Variants in THAP9 observed in about 807,000 individuals in gnomAD.
THAP9 encodes THAP domain containing 9.
Under a neutral mutation model 35.7 loss-of-function variants are expected in THAP9, and 20 were observed. That is an observed-to-expected ratio of 0.56 (90% CI 0.39 to 0.81). The LOEUF (loss-of-function observed/expected upper bound fraction) is 0.81. Among genes scored for constraint, THAP9 ranks in the 40% least tolerant of loss-of-function variants. The pLI is 0.00. For synonymous variants in THAP9, 335 were observed against 373.7 expected (o/e 0.90, Z 1.19); for missense variants, 870 against 1,047.4 (o/e 0.83, Z 2.34).
Position 82,900,851 on chromosome 4 carries a change from C to G in THAP9, c.49C>G (p.Leu17Val), listed in dbSNP as rs142923242. The G allele has an allele frequency of 6.2e-7, 1 of 1,613,428 alleles. No individual in the cohort carries two copies. Among genetic ancestry groups the G allele is most frequent in the South Asian group, 1.1e-5 (1 of 91,088 alleles). ...GGGCTGCAGCACCCGTGACACCGTG[C>G]TCAGCCGGGAGCGCGGCCTCTCCTT... ...AVGCSTRDTV[L>V]SRERGLSFHQ... Residue 17 changes from leucine (L) to valine (V), a missense_variant, in exon 1 of 5, where the codon CTC becomes GTC. Around this residue, in one of 3 missense-constraint regions of THAP9, gnomAD observed 440 missense variants for 501.2 expected, o/e 0.88. Transcript: ENST00000302236.
At chr4:82,909,638 A>G (rs975621973) in intron 4 of THAP9, among the ~76,000 whole-genome samples, 4 of 152,070 alleles carry the variant, frequency 2.6e-5, no homozygotes, top group African/African-American at 7.2e-5. Context: ...GGACATTTCT[A>G]TTGTTTACAT....
rs761396925 is a variant in THAP9, at chr4:82,918,212, A to G, written c.2000A>G (p.Lys667Arg). 1.2e-5 allele frequency: 19 copies of G among 1,614,080 alleles called. No homozygotes were observed. In the South Asian group the frequency reaches 2.1e-4, roughly 18 times the overall value. Residue 667 changes from lysine (K) to arginine (R), a missense_variant, in exon 5 of 5, where the codon AAA (lysine) becomes AGA (arginine). Lys to Arg is a conservative substitution (Grantham distance 26). This residue lies in a region of THAP9 where 414 missense variants were observed against 500.8 expected (regional missense o/e 0.83). Coordinates refer to ENST00000302236, the MANE Select transcript of THAP9 (RefSeq NM_024672.6). ...SIFDISIARR[K>R]DLALWTVQRQ... ...TTTGACATTTCAATTGCTCGAAGGA[A>G]AGACTTGGCGCTTTGGACAGTTCAA...
chr4:82,904,383 A>G (rs774983430), intron 1 of THAP9, among the ~76,000 whole-genome samples: 4 of 152,198 alleles, frequency 2.6e-5, no homozygotes, highest in Non-Finnish European at 5.9e-5. Flanking sequence ...CTTAAAAGGA[A>G]GAGTACCAAA....
At chr4:82,902,470 A>G (rs1435624878) in intron 1 of THAP9, among the ~76,000 whole-genome samples, 1 of 152,166 alleles carries the variant, frequency 6.6e-6, no homozygotes, top group African/African-American at 2.4e-5. Context: ...CAGGTGTCCC[A>G]GCCCACCCCA....
intron 4 of THAP9, among the ~76,000 whole-genome samples, chr4:82,913,668 A>G (rs1191094792): frequency 2.0e-5 from 3 of 151,072 alleles, no homozygotes; most frequent in Admixed American, 6.6e-5. Flanking sequence ...TTTCATCCCA[A>G]CCTCCACCCT....
intron 4 of THAP9, among the ~76,000 whole-genome samples, chr4:82,916,657 G>C (rs942389182): frequency 6.6e-6 from 1 of 152,180 alleles, no homozygotes; most frequent in African/African-American, 2.4e-5. Context: ...AATATAAAAA[G>C]ATCAGTTAGA....
rs1175791620 is a variant in THAP9, at chr4:82,904,934, A to T, written c.276+3A>T. 1 of 1,612,310 alleles carries T rather than the reference A, an allele frequency of 6.2e-7. No individual in the cohort carries two copies. The highest frequency in any genetic ancestry group is 1.1e-5 in the South Asian group (1 of 90,798). ...TGCCTTCTGTTTCTCTATACAAGGT[A>T]TTTAAATGTAGGTGTAAGTCAACAA... is the stretch of plus-strand genomic sequence containing the variant. On this transcript the variant is annotated splice_donor_region_variant and intron_variant, in intron 2 of 4. Coordinates refer to ENST00000302236, the MANE Select transcript of THAP9 (RefSeq NM_024672.6).
At chr4:82,901,242 A>G in intron 1 of THAP9, 2 of 506,440 alleles carry the variant, frequency 3.9e-6, no homozygotes, top group South Asian at 3.1e-5. Flanking sequence ...CTTCCTGAGC[A>G]CGAGTACAGA....
At chr4:82,915,869 G>A (rs541238423) in intron 4 of THAP9, among the ~76,000 whole-genome samples, 6 of 152,208 alleles carry the variant, frequency 3.9e-5, no homozygotes, top group African/African-American at 1.4e-4. Flanking sequence ...ATGTATAAGT[G>A]TACCCATGCC....
In THAP9 at chr4:82,917,855, T is replaced by C. The variant is rs1208418050; in HGVS notation, c.1643T>C (p.Ile548Thr). The change falls in exon 5 of 5, where the codon ATT (isoleucine) becomes ACT (threonine). Residue 548 changes from isoleucine (I) to threonine (T), a missense_variant. Ile to Thr is a moderately conservative substitution (Grantham distance 89). Coordinates refer to ENST00000302236, the MANE Select transcript of THAP9 (RefSeq NM_024672.6). ...ETYSKINHVL[I>T]EAKTIFVTLS... ...TACAGTAAAATAAACCACGTGTTAA[T>C]TGAAGCCAAGACTATTTTTGTTACA... 2 of 1,613,266 alleles carry C rather than the reference T, an allele frequency of 1.2e-6. No individual in the cohort carries two copies. The highest frequency in any genetic ancestry group is 2.7e-5 in the African/African-American group (2 of 74,856).
At chr4:82,909,238 C>G (rs936661499) in intron 4 of THAP9, among the ~76,000 whole-genome samples, 1 of 152,084 alleles carries the variant, frequency 6.6e-6, no homozygotes, top group African/African-American at 2.4e-5. Flanking sequence ...AGATTTTCCT[C>G]TATACACACT....
rs749643605 is a variant in THAP9 at position 82,918,580 on chromosome 4, C to T, written c.2368C>T (p.Leu790=). The change falls in exon 5 of 5, where the codon CTA becomes TTA. Residue 790 remains leucine, a synonymous_variant. Transcript: ENST00000302236. ...RTHSRMAIFE[L]VSKQRELYLQ... is the part of the protein sequence containing the mutation. ...CCATTCAAGAATGGCAATTTTTGAA[C>T]TAGTTTCTAAACAAAGGGAATTGTA... 7 of 1,613,954 alleles carry T rather than the reference C, an allele frequency of 4.3e-6. No homozygotes were observed. The Admixed American group carries it at 6.7e-5, about 15-fold the overall frequency.
chr4:82,902,766 A>C (rs538729979), intron 1 of THAP9, among the ~76,000 whole-genome samples: 2 of 152,352 alleles, frequency 1.3e-5, no homozygotes, highest in African/African-American at 4.8e-5. Context: ...AGAACAATAA[A>C]ATTATAATCC....
At chr4:82,904,184 C>T (rs1326620172) in intron 1 of THAP9, among the ~76,000 whole-genome samples, 1 of 151,650 alleles carries the variant, frequency 6.6e-6, no homozygotes, top group African/African-American at 2.4e-5. Flanking sequence ...CTGCCTCAGC[C>T]TCCCCAGTAG....
At position 82,919,409 on chromosome 4, in the gene THAP9, A is replaced by C. The variant is rs1721162426; in HGVS notation, c.*485A>C. ...ATATGAAAATTATAGTTTGAAAATT[A>C]GGCTCAAGCAAATATCAAATACTGC... On this transcript the variant is annotated 3_prime_UTR_variant, in exon 5 of 5. Coordinates refer to ENST00000302236, the MANE Select transcript of THAP9 (RefSeq NM_024672.6). The C allele has an allele frequency of 6.6e-6, 1 of 152,532 alleles. No homozygotes were observed. Among genetic ancestry groups the C allele is most frequent in the Non-Finnish European group, 1.5e-5 (1 of 68,264 alleles). The allele number at this position is 152,532 out of a possible 1,614,324, so 9.4% of individuals were successfully genotyped here. A position where few individuals can be genotyped will look rare whatever the true frequency, so the allele number is the denominator to read the frequency against.
At chr4:82,913,751 A>G (rs780063992) in intron 4 of THAP9, among the ~76,000 whole-genome samples, 60 of 148,962 alleles carry the variant, frequency 4.0e-4, no homozygotes, top group Non-Finnish European at 7.8e-4. Flanking sequence ...ATTTTTTGAG[A>G]CAGAGTTTCG....
At chr4:82,904,062 T>G in intron 1 of THAP9, among the ~76,000 whole-genome samples, 1 of 91,308 alleles carries the variant, frequency 1.1e-5, no homozygotes. Flanking sequence ...CTCCCCCTTT[T>G]TTTTTTTTTT....
At chr4:82,901,182 G>A in intron 1 of THAP9, 4 of 614,412 alleles carry the variant, frequency 6.5e-6, no homozygotes, top group Non-Finnish European at 1.2e-5. Flanking sequence ...AAGTGAGGAG[G>A]CCGAAAGGGA....
rs1040575321 is a variant in THAP9, at chr4:82,904,997, C to T, written c.276+66C>T. On this transcript the variant is annotated intron_variant, in intron 2 of 4. Transcript: ENST00000302236. ...CAGAGCCTTTAAAAATCAAGATAGC[C>T]CCCATTATAGCTAGAATTTGCAGAC... 2.7e-6 allele frequency: 4 copies of T among 1,464,512 alleles called. No individual in the cohort carries two copies. The Admixed American group carries it at 6.1e-5, about 22-fold the overall frequency. The allele number at this position is 1,464,512 out of a possible 1,614,324, so 90.7% of individuals were successfully genotyped here.
Sources: allele counts gnomAD v4.1 joint callset (sites outside exome capture counted in the v4.1 genomes callset), GRCh38; gene constraint gnomAD v4.1.1; regional missense constraint gnomAD v4.1.1; transcripts MANE v1.5; gene names NCBI Gene and HGNC (gene_info 2026-07-23, HGNC 2026-07-21).